The following FUT9 variants were observed in gnomAD, a reference collection of about 807,000 sequenced individuals.
FUT9 encodes the protein 4-galactosyl-N-acetylglucosaminide 3-alpha-L-fucosyltransferase 9.
A neutral mutation model predicts 29.7 loss-of-function variants in FUT9; 15 were observed. The ratio of observed to expected loss-of-function variants is 0.51; its 90% confidence interval spans 0.34 to 0.78. FUT9 has a LOEUF of 0.78. Ranked by LOEUF, FUT9 falls within the 30% of genes least tolerant of loss-of-function variation. The pLI, the probability that FUT9 is intolerant of heterozygous loss-of-function variation, is 0.01. For synonymous variants in FUT9, 169 were observed against 153.7 expected (o/e 1.10, Z -0.74); for missense variants, 319 against 425.4 (o/e 0.75, Z 2.20).
At chr6:96,175,707 C>T (rs1360891510) in intron 2 of FUT9, among the ~76,000 whole-genome samples, 1 of 152,142 alleles carries the variant, frequency 6.6e-6, no homozygotes, top group Non-Finnish European at 1.5e-5. Flanking sequence ...TTACCTGGTG[C>T]TATAAACCAG....
intron 1 of FUT9, among the ~76,000 whole-genome samples, chr6:96,101,447 G>A (rs1771584630): frequency 1.3e-5 from 2 of 151,886 alleles, no homozygotes; most frequent in East Asian, 2.0e-4. Context: ...TACTCAGGAG[G>A]CTGAGGCAGG....
Position 96,193,872 on chromosome 6 carries a change from C to A in FUT9, c.-8-9276C>A, listed in dbSNP as rs566599501. Among the ~76,000 whole-genome samples the A allele has an allele frequency of 2.0e-5, 3 of 152,166 alleles. No individual in the cohort carries two copies. The East Asian group carries it at 5.8e-4, about 29-fold the overall frequency. On this transcript the variant is annotated intron_variant, in intron 2 of 2. Transcript: ENST00000302103. Reference sequence around the variant, plus strand: ...TATACACCATGGAATACTATGCAGCCATAAAAAAGGATGAGTTCATGTCCT... The same window carrying A: ...TATACACCATGGAATACTATGCAGCAATAAAAAAGGATGAGTTCATGTCCT...
At position 96,215,066 on chromosome 6, in the gene FUT9, T is replaced by A. The variant is rs569730649; in HGVS notation, c.*10831T>A. Reference sequence around the variant, plus strand: ...GTATGTGTGTGACATTCAGCTAACATTGATCTAGGCACTTAGTTTGCTACC... The same window carrying A: ...GTATGTGTGTGACATTCAGCTAACAATGATCTAGGCACTTAGTTTGCTACC... On this transcript the variant is annotated 3_prime_UTR_variant, in exon 3 of 3. Transcript: ENST00000302103. The A allele has an allele frequency of 6.0e-6, 1 of 167,022 alleles. No individual in the cohort carries two copies. Among genetic ancestry groups the A allele is most frequent in the African/African-American group, 2.4e-5 (1 of 41,452 alleles). 10.3% of individuals were successfully genotyped at this position (167,022 alleles called of 1,614,324 possible).
At chr6:96,038,277 C>T (rs951209585) in intron 1 of FUT9, among the ~76,000 whole-genome samples, 2 of 152,024 alleles carry the variant, frequency 1.3e-5, no homozygotes, top group African/African-American at 4.8e-5. Context: ...GATCTTCTGT[C>T]GTATCTGGGT....
intron 1 of FUT9, among the ~76,000 whole-genome samples, chr6:96,105,675 G>A (rs902651132): frequency 2.0e-5 from 3 of 152,160 alleles, no homozygotes; most frequent in Non-Finnish European, 4.4e-5. Context: ...TTATACTCAA[G>A]AAGAGTTTTA....
chr6:96,188,334 G>A lies in FUT9; in HGVS notation c.-8-14814G>A, dbSNP rs570970155. Among the ~76,000 whole-genome samples the A allele has an allele frequency of 4.3e-3, 651 of 151,998 alleles. 5 individuals carry two copies. Among genetic ancestry groups the A allele is most frequent in the African/African-American group, 0.014 (585 of 41,442 alleles). On this transcript the variant is annotated intron_variant, in intron 2 of 2. Transcript: ENST00000302103. ...CAGGCTAGAGTGCAGTGGCACAATCGTAGCTCACTGCAGCCTCGAACTCCT... is the reference window on the plus strand; with the variant it reads ...CAGGCTAGAGTGCAGTGGCACAATCATAGCTCACTGCAGCCTCGAACTCCT...
At chr6:96,073,692 G>A (rs150095203) in intron 1 of FUT9, among the ~76,000 whole-genome samples, 1,762 of 152,162 alleles carry the variant, frequency 0.012, 43 homozygotes, top group African/African-American at 0.041. Context: ...TTGAAAGGGC[G>A]ATGGGGAACA....
At chr6:96,166,169 A>G (rs1773012919) in intron 2 of FUT9, among the ~76,000 whole-genome samples, 1 of 152,126 alleles carries the variant, frequency 6.6e-6, no homozygotes, top group Admixed American at 6.6e-5. Context: ...AAAAAAGAAA[A>G]TGAGATCTTC....
intron 1 of FUT9, among the ~76,000 whole-genome samples, chr6:96,068,556 G>A (rs537112852): frequency 7.5e-6 from 1 of 133,558 alleles, no homozygotes; most frequent in Non-Finnish European, 1.6e-5. Context: ...TGGTGACATA[G>A]CAAACTATTT....
intron 2 of FUT9, among the ~76,000 whole-genome samples, chr6:96,121,719 G>C (rs1445289933): frequency 1.3e-5 from 2 of 151,722 alleles, no homozygotes; most frequent in Non-Finnish European, 2.9e-5. Context: ...TTTAATTCAT[G>C]TCACTTTTGT....
At chr6:96,154,847 A>G (rs914286950) in intron 2 of FUT9, among the ~76,000 whole-genome samples, 5 of 152,250 alleles carry the variant, frequency 3.3e-5, no homozygotes, top group Non-Finnish European at 7.3e-5. Flanking sequence ...CAATCAATGT[A>G]ACTGACAACT....
At chr6:96,018,320 G>A (rs1770015265) in intron 1 of FUT9, among the ~76,000 whole-genome samples, 1 of 152,060 alleles carries the variant, frequency 6.6e-6, no homozygotes, top group African/African-American at 2.4e-5. Context: ...TTATGTTAAT[G>A]ATAAATTAAA....
At chr6:96,101,412 G>A (rs976535708) in intron 1 of FUT9, among the ~76,000 whole-genome samples, 2 of 151,802 alleles carry the variant, frequency 1.3e-5, no homozygotes, top group Admixed American at 6.6e-5. Flanking sequence ...TGTTGTGGGG[G>A]CTGGGGGGTG....
rs2127992519 is a variant in FUT9, at chr6:96,206,840, G to A, written c.*2605G>A. On this transcript the variant is annotated 3_prime_UTR_variant, in exon 3 of 3. Transcript: ENST00000302103. Reference sequence around the variant, plus strand: ...TATTTCAACCTGCCTTGGCTCTAGTGAATGTTCATGATTTGAAAGAACTGA... The same window carrying A: ...TATTTCAACCTGCCTTGGCTCTAGTAAATGTTCATGATTTGAAAGAACTGA... 1 of 167,148 alleles carries A rather than the reference G, an allele frequency of 6.0e-6. No individual in the cohort carries two copies. The allele number at this position is 167,148 out of a possible 1,614,324, so 10.4% of individuals were successfully genotyped here.
Position 96,207,129 on chromosome 6 carries a change from T to C in FUT9, c.*2894T>C, listed in dbSNP as rs539823744. 1 of 166,682 alleles carries C rather than the reference T, an allele frequency of 6.0e-6. No homozygotes were observed. The highest frequency in any genetic ancestry group is 1.9e-4 in the East Asian group (1 of 5,182). The allele number at this position is 166,682 out of a possible 1,614,324, so 10.3% of individuals were successfully genotyped here. On this transcript the variant is annotated 3_prime_UTR_variant, in exon 3 of 3. Transcript: ENST00000302103. ...GCTGGAAGGAATTATAATTTTGTTG[T>C]TTATAATTGCTATAATATAGAAATT...
intron 2 of FUT9, among the ~76,000 whole-genome samples, chr6:96,159,537 T>A (rs1450729619): frequency 2.0e-5 from 3 of 152,108 alleles, no homozygotes; most frequent in Non-Finnish European, 4.4e-5. Context: ...TGTAGAAATA[T>A]CTCCCCAAAT....
In FUT9 at chr6:96,172,817, A is replaced by C. The variant is rs1391796036; in HGVS notation, c.-8-30331A>C. ...TGGCACTTTGGAGGACAAAATAAAG[A>C]GATAGGTTCTCAATCTTGAAGGGAG... On this transcript the variant is annotated intron_variant, in intron 2 of 2. Transcript: ENST00000302103. Among the ~76,000 whole-genome samples the C allele has an allele frequency of 2.3e-4, 4 of 17,450 alleles. No individual in the cohort carries two copies. In the Non-Finnish European group the frequency reaches 0.011, roughly 47 times the overall value. The allele number at this position is 17,450 out of a possible 152,430, so 11.4% of individuals were successfully genotyped here. A position where few individuals can be genotyped will look rare whatever the true frequency, so the allele number is the denominator to read the frequency against.
At chr6:96,038,940 G>A (rs1479063391) in intron 1 of FUT9, among the ~76,000 whole-genome samples, 1 of 151,986 alleles carries the variant, frequency 6.6e-6, no homozygotes, top group Non-Finnish European at 1.5e-5. Context: ...AAAAACTCAG[G>A]TGTCACCTCT....
In FUT9 at chr6:96,122,983, C is replaced by G. The variant is rs560875914; in HGVS notation, c.-9+8856C>G. 7.4e-5 allele frequency among the ~76,000 whole-genome samples: 10 copies of G among 135,190 alleles called. No homozygotes were observed. The East Asian group carries it at 2.3e-3, about 31-fold the overall frequency. The allele number at this position is 135,190 out of a possible 152,430, so 88.7% of individuals were successfully genotyped here. On this transcript the variant is annotated intron_variant, in intron 2 of 2. Transcript: ENST00000302103. ...GCTGAGGCAGAAGAATGGCGTGAAC[C>G]CAGAAGGGGGAGCTTGCAGTGAGCC...
Sources: allele counts gnomAD v4.1 joint callset (sites outside exome capture counted in the v4.1 genomes callset), GRCh38; gene constraint gnomAD v4.1.1; transcripts MANE v1.5; gene names NCBI Gene and HGNC (gene_info 2026-07-23, HGNC 2026-07-21).